CTNNBL1: variants seen among roughly 807,000 people sequenced by gnomAD.
The protein encoded by CTNNBL1 is beta-catenin-like protein 1.
CTNNBL1 carries 31 observed loss-of-function variants against 72.7 expected under a neutral mutation model. The ratio of observed to expected loss-of-function variants is 0.43; its 90% CI spans 0.32 to 0.58. The LOEUF (loss-of-function observed/expected upper bound fraction) is 0.58, where lower values mean the gene tolerates loss of function less well. Among genes scored for constraint, CTNNBL1 ranks in the 20% least tolerant of loss-of-function variants. CTNNBL1 has a pLI of 0.08. For synonymous variants in CTNNBL1, 240 were observed against 267.3 expected (o/e 0.90, Z 1.00); for missense variants, 534 against 725.1 (o/e 0.74, Z 3.03).
intron 4 of CTNNBL1, among the ~76,000 whole-genome samples, chr20:37,747,523 T>C (rs1320792186): frequency 6.6e-6 from 1 of 152,116 alleles, no homozygotes; most frequent in Non-Finnish European, 1.5e-5. Flanking sequence ...CTTCCACAAC[T>C]TGTATTCTTT....
chr20:37,814,048 A>G (rs954312072), intron 11 of CTNNBL1, among the ~76,000 whole-genome samples: 2 of 152,168 alleles, frequency 1.3e-5, no homozygotes, highest in African/African-American at 4.8e-5. Context: ...ATTATTACCC[A>G]TAGTTTATAG....
At chr20:37,819,769 A>G (rs1359653850) in intron 11 of CTNNBL1, among the ~76,000 whole-genome samples, 2 of 152,130 alleles carry the variant, frequency 1.3e-5, no homozygotes, top group African/African-American at 2.4e-5. Context: ...TAAGCCTAAA[A>G]TCTTCAGAAA....
chr20:37,772,056 C>G (rs554012377), intron 7 of CTNNBL1, among the ~76,000 whole-genome samples: 1 of 152,320 alleles, frequency 6.6e-6, no homozygotes, highest in Admixed American at 6.5e-5. Context: ...GATGCTCGCC[C>G]TCATGGAGCA....
rs1600522610 is a variant in CTNNBL1, at chr20:37,842,253, G to A, written c.1312-86G>A. 8.6e-6 allele frequency: 8 copies of A among 925,384 alleles called. 1 individual carries two copies. Among genetic ancestry groups the A allele is most frequent in the Admixed American group, 1.7e-5 (1 of 57,212 alleles). The allele number at this position is 925,384 out of a possible 1,614,324, so 57.3% of individuals were successfully genotyped here. A position where few individuals can be genotyped will look rare whatever the true frequency, so the allele number is the denominator to read the frequency against. On this transcript the variant is annotated intron_variant, in intron 12 of 15. Coordinates refer to ENST00000361383, the MANE Select transcript of CTNNBL1 (RefSeq NM_030877.5). Reference sequence around the variant, plus strand: ...AGCGGGTCTCCCTTTGTAAGGGAGCGACAGTGAGATGAATAGGAGTGCCAC... The same window carrying A: ...AGCGGGTCTCCCTTTGTAAGGGAGCAACAGTGAGATGAATAGGAGTGCCAC...
intron 2 of CTNNBL1, among the ~76,000 whole-genome samples, chr20:37,736,365 A>G (rs2073171616): frequency 6.6e-6 from 1 of 152,184 alleles, no homozygotes; most frequent in African/African-American, 2.4e-5. Flanking sequence ...ATTAAGGGTC[A>G]CTGTCACTGA....
chr20:37,765,807 A>G (rs975003246), intron 6 of CTNNBL1, among the ~76,000 whole-genome samples: 8 of 152,116 alleles, frequency 5.3e-5, no homozygotes, highest in Non-Finnish European at 2.9e-5. Context: ...GGCTGTCCCT[A>G]CATCAGATTT....
chr20:37,857,417 A>G (rs1341955437), intron 13 of CTNNBL1, among the ~76,000 whole-genome samples: 2 of 152,204 alleles, frequency 1.3e-5, no homozygotes, highest in Non-Finnish European at 2.9e-5. Context: ...AACACCCCCC[A>G]GGCCAAAGCT....
At chr20:37,837,676 G>C (rs566001348) in intron 11 of CTNNBL1, among the ~76,000 whole-genome samples, 114 of 152,048 alleles carry the variant, frequency 7.5e-4, no homozygotes, top group Middle Eastern at 3.4e-3. Context: ...AAAAGTATTT[G>C]AAGGCATTTG....
At chr20:37,697,851 G>A (rs1445015228) in intron 1 of CTNNBL1, among the ~76,000 whole-genome samples, 3 of 152,188 alleles carry the variant, frequency 2.0e-5, no homozygotes, top group South Asian at 2.1e-4. Flanking sequence ...AATAAAAAAC[G>A]TGTCCAGATT....
At chr20:37,837,463 A>G (rs893980779) in intron 11 of CTNNBL1, among the ~76,000 whole-genome samples, 1 of 152,152 alleles carries the variant, frequency 6.6e-6, no homozygotes, top group Non-Finnish European at 1.5e-5. Context: ...AAAATGTTAT[A>G]TTTTCAATAC....
Position 37,854,881 on chromosome 20 carries a change from G to A in CTNNBL1, c.1393-5018G>A, listed in dbSNP as rs372138241. 6.8e-4 allele frequency among the ~76,000 whole-genome samples: 104 copies of A among 151,984 alleles called. 2 individuals carry two copies. The highest frequency in any genetic ancestry group is 7.8e-4 in the East Asian group (4 of 5,154). On this transcript the variant is annotated intron_variant, in intron 13 of 15. Transcript: ENST00000361383. ...TAGGATTACACGTGTGAGCCACAGCGCCTGGCCCCGCTTCTCAATATTTCT... is the reference window on the plus strand; with the variant it reads ...TAGGATTACACGTGTGAGCCACAGCACCTGGCCCCGCTTCTCAATATTTCT...
chr20:37,744,110 C>A (rs763222688), intron 3 of CTNNBL1, among the ~76,000 whole-genome samples: 5 of 152,138 alleles, frequency 3.3e-5, no homozygotes, highest in Non-Finnish European at 7.4e-5. Flanking sequence ...AATCTATAAA[C>A]AAAGTGAGCA....
intron 7 of CTNNBL1, 71 bp from the exon 8 acceptor site, chr20:37,777,274 G>A (rs571285591): frequency 2.2e-5 from 26 of 1,206,582 alleles, no homozygotes; most frequent in African/African-American, 3.0e-5. Context: ...CATAGTACTC[G>A]TGAAAAATTT....
chr20:37,800,446 G>A (rs1423336661), intron 10 of CTNNBL1, among the ~76,000 whole-genome samples: 1 of 152,138 alleles, frequency 6.6e-6, no homozygotes, highest in Non-Finnish European at 1.5e-5. Flanking sequence ...AAGGTTGCTA[G>A]TGGCTTCCTG....
intron 11 of CTNNBL1, among the ~76,000 whole-genome samples, chr20:37,811,067 T>A (rs2072008480): frequency 6.6e-6 from 1 of 152,230 alleles, no homozygotes; most frequent in Non-Finnish European, 1.5e-5. Flanking sequence ...TTCCTCCTCC[T>A]TCTATGTTGG....
In CTNNBL1 at chr20:37,802,720, A is replaced by G. The variant is rs1393491208; in HGVS notation, c.1032-147A>G. The G allele has an allele frequency of 1.7e-5, 10 of 590,236 alleles. No homozygotes were observed. In the Middle Eastern group the frequency reaches 2.4e-3, roughly 143 times the overall value. The allele number at this position is 590,236 out of a possible 1,614,324, so 36.6% of individuals were successfully genotyped here. A position where few individuals can be genotyped will look rare whatever the true frequency, so the allele number is the denominator to read the frequency against. ...CTGACTGTAAGAATTTGTCCACCCTATTGTAGACGTCTTCTCCTAATTGTT... is the reference window on the plus strand; with the variant it reads ...CTGACTGTAAGAATTTGTCCACCCTGTTGTAGACGTCTTCTCCTAATTGTT... On this transcript the variant is annotated intron_variant, in intron 10 of 15. Coordinates refer to ENST00000361383, the MANE Select transcript of CTNNBL1 (RefSeq NM_030877.5).
chr20:37,785,390 A>G (rs375864850), intron 10 of CTNNBL1, among the ~76,000 whole-genome samples: 13 of 152,206 alleles, frequency 8.5e-5, no homozygotes, highest in African/African-American at 3.1e-4. Context: ...TAAGGCCAGT[A>G]ACTATTTGAT....
chr20:37,730,833 G>A (rs1004414716), intron 1 of CTNNBL1, among the ~76,000 whole-genome samples: 2 of 152,126 alleles, frequency 1.3e-5, no homozygotes, highest in African/African-American at 4.8e-5. Flanking sequence ...AACAACAAAA[G>A]GCAACATGAG....
intron 3 of CTNNBL1, chr20:37,744,583 A>G (rs899827356): frequency 6.6e-6 from 1 of 152,184 alleles, no homozygotes; most frequent in African/African-American, 2.4e-5. Context: ...TGATTGATTC[A>G]TAGTCTCTTC....
Sources: allele counts gnomAD v4.1 joint callset (sites outside exome capture counted in the v4.1 genomes callset), GRCh38; gene constraint gnomAD v4.1.1; transcripts MANE v1.5; gene names NCBI Gene and HGNC (gene_info 2026-07-23, HGNC 2026-07-21).